The following STARD13 variants were observed in gnomAD, a reference collection of about 807,000 sequenced individuals.
STARD13 encodes the protein StAR related lipid transfer domain containing 13, also known as stAR-related lipid transfer protein 13.
In STARD13, 62 loss-of-function variants were observed where a neutral mutation model predicts 106.4. The observed-to-expected ratio is 0.58, with a 90% confidence interval of 0.48 to 0.72. STARD13 has a LOEUF of 0.72. Among genes scored for constraint, STARD13 ranks in the 30% least tolerant of loss-of-function variants. The pLI, the probability that STARD13 is intolerant of heterozygous loss-of-function variation, is 0.00. For missense variants in STARD13, 1,387 were observed against 1,424.0 expected (o/e 0.97, Z 0.42); for synonymous variants, 565 against 553.0 (o/e 1.02, Z -0.31).
intron 1 of STARD13, among the ~76,000 whole-genome samples, chr13:33,178,142 G>A (rs952622839): frequency 6.6e-6 from 1 of 152,142 alleles, no homozygotes; most frequent in Non-Finnish European, 1.5e-5. Flanking sequence ...ATGTGTTCAT[G>A]TATCTAGGCT....
At chr13:33,510,549 T>C in the STARD13 span, among the ~76,000 whole-genome samples, 1 of 152,282 alleles carries the variant, frequency 6.6e-6, no homozygotes, top group East Asian at 1.9e-4. Context: ...GATTTCTTCA[T>C]TCATGGTGAT....
At chr13:33,258,185 T>A (rs1047436894) in intron 1 of STARD13, among the ~76,000 whole-genome samples, 1 of 152,206 alleles carries the variant, frequency 6.6e-6, no homozygotes, top group African/African-American at 2.4e-5. Context: ...TCCTCTGGCT[T>A]GATCGTCAAT....
the STARD13 span, among the ~76,000 whole-genome samples, chr13:33,537,533 T>C: frequency 6.6e-6 from 1 of 152,082 alleles, no homozygotes; most frequent in Non-Finnish European, 1.5e-5. Context: ...ATGCAGAAAG[T>C]GAGGGGTCTT....
chr13:33,298,627 A>G (rs185674973), intron 1 of STARD13, among the ~76,000 whole-genome samples: 1 of 152,322 alleles, frequency 6.6e-6, no homozygotes, highest in Non-Finnish European at 1.5e-5. Flanking sequence ...ATATACATGT[A>G]TATATGCACA....
At chr13:33,628,183 A>C in the STARD13 span, among the ~76,000 whole-genome samples, 1 of 145,780 alleles carries the variant, frequency 6.9e-6, no homozygotes, top group African/African-American at 2.7e-5. Flanking sequence ...ACACACACAC[A>C]CACACACACC....
At chr13:33,653,361 A>C in the STARD13 span, among the ~76,000 whole-genome samples, 1 of 152,212 alleles carries the variant, frequency 6.6e-6, no homozygotes, top group East Asian at 1.9e-4. Context: ...CTCAGAATCC[A>C]AAAATAAACC....
the STARD13 span, among the ~76,000 whole-genome samples, chr13:33,423,137 A>G: frequency 1.3e-3 from 195 of 152,332 alleles, 4 homozygotes; most frequent in African/African-American, 4.5e-3. Flanking sequence ...AGAAGAAACT[A>G]CCATCAGAGT....
At chr13:33,479,125 A>G in the STARD13 span, among the ~76,000 whole-genome samples, 2 of 152,218 alleles carry the variant, frequency 1.3e-5, no homozygotes, top group Non-Finnish European at 2.9e-5. Flanking sequence ...GCATTTAAAC[A>G]TATGAAAAGA....
At chr13:33,320,469 T>C (rs1393467377) in intron 1 of STARD13, among the ~76,000 whole-genome samples, 2 of 152,188 alleles carry the variant, frequency 1.3e-5, no homozygotes, top group African/African-American at 4.8e-5. Flanking sequence ...GTATGTATTA[T>C]GTGGAGGGAT....
chr13:33,150,247 T>C (rs944443583), intron 3 of STARD13, among the ~76,000 whole-genome samples: 10 of 152,344 alleles, frequency 6.6e-5, no homozygotes, highest in Admixed American at 6.5e-4. Flanking sequence ...AGCAGAATTA[T>C]TCTCCACCAC....
At chr13:33,652,502 A>G in the STARD13 span, among the ~76,000 whole-genome samples, 2 of 152,190 alleles carry the variant, frequency 1.3e-5, no homozygotes, top group African/African-American at 4.8e-5. Flanking sequence ...TTTATTCACA[A>G]TCTACTCCTC....
intron 1 of STARD13, among the ~76,000 whole-genome samples, chr13:33,170,919 T>C (rs946446071): frequency 1.3e-5 from 2 of 152,158 alleles, no homozygotes; most frequent in Non-Finnish European, 2.9e-5. Flanking sequence ...TAAAAAAGTC[T>C]TACAATTTTT....
chr13:33,297,410 C>G (rs1892537578), intron 1 of STARD13, among the ~76,000 whole-genome samples: 1 of 152,150 alleles, frequency 6.6e-6, no homozygotes, highest in Admixed American at 6.5e-5. Flanking sequence ...CTTCAATGAC[C>G]TTAAAACCCT....
chr13:33,356,734 T>C, the STARD13 span, among the ~76,000 whole-genome samples: 2 of 152,240 alleles, frequency 1.3e-5, no homozygotes, highest in African/African-American at 4.8e-5. Context: ...TGCTACTATT[T>C]TGCCTAAACC....
At chr13:33,441,698 G>A in the STARD13 span, among the ~76,000 whole-genome samples, 1 of 152,188 alleles carries the variant, frequency 6.6e-6, no homozygotes, top group Non-Finnish European at 1.5e-5. Context: ...GAGTCAGTCA[G>A]GAAAGAGGCA....
At chr13:33,166,773 T>C (rs1883357684) in intron 2 of STARD13, among the ~76,000 whole-genome samples, 1 of 152,094 alleles carries the variant, frequency 6.6e-6, no homozygotes, top group Non-Finnish European at 1.5e-5. Flanking sequence ...GGTGGGAAAG[T>C]CACTTGAGGT....
Position 33,167,556 on chromosome 13 carries a change from T to C in STARD13, c.236A>G (p.Tyr79Cys), listed in dbSNP as rs758952961. ...GAAGCGAAGGGCTGACGTACCCTCATATAACTGAGCGTATTGCGGGAACCC... is the reference window on the plus strand; with the variant it reads ...GAAGCGAAGGGCTGACGTACCCTCACATAACTGAGCGTATTGCGGGAACCC... ...AAGFPQYAQL[Y>C]EDSQFPINIV... The change falls in exon 2 of 14, where the codon TAT becomes TGT. Residue 79 changes from tyrosine (Y) to cysteine (C), a missense_variant. Physicochemically the swap from Tyr to Cys is radical, Grantham distance 194. Coordinates refer to ENST00000336934, the MANE Select transcript of STARD13 (RefSeq NM_178006.4). 7.4e-6 allele frequency: 12 copies of C among 1,614,116 alleles called. No individual in the cohort carries two copies. Among genetic ancestry groups the C allele is most frequent in the Non-Finnish European group, 1.0e-5 (12 of 1,179,944 alleles).
chr13:33,339,763 T>G (rs1474274570), intron 1 of STARD13, among the ~76,000 whole-genome samples: 1 of 152,236 alleles, frequency 6.6e-6, no homozygotes, highest in Admixed American at 6.5e-5. Flanking sequence ...TTATATCTAC[T>G]GCTTAGGAAA....
intron 1 of STARD13, chr13:33,336,351 A>T (rs1417553373): frequency 1.3e-5 from 2 of 152,198 alleles, no homozygotes; most frequent in Non-Finnish European, 2.9e-5. Flanking sequence ...AAAACAGCGT[A>T]ATCAAGCCAC....
Sources: gnomAD v4.1 joint callset for allele counts (sites outside exome capture counted in the v4.1 genomes callset) on GRCh38, gnomAD v4.1.1 for gene constraint, MANE v1.5 for transcripts, NCBI Gene and HGNC (gene_info 2026-07-23, HGNC 2026-07-21) for gene names.